The following COL22A1 variants were observed in gnomAD, a reference collection of about 807,000 sequenced individuals.
The protein encoded by COL22A1 is collagen type XXII alpha 1 chain, also known as collagen alpha-1(XXII) chain.
COL22A1 carries 221 observed loss-of-function variants against 248.9 expected under a neutral mutation model. The observed-to-expected ratio is 0.89, with a 90% CI of 0.80 to 0.99. COL22A1 has a LOEUF of 0.99. COL22A1 is among the 50% of genes least tolerant of loss of function. The pLI is 0.00. For synonymous variants in COL22A1, 891 were observed against 793.4 expected, an observed-to-expected ratio of 1.12 and a Z score of -2.07; for missense variants, 2,240 against 2,179.0, an observed-to-expected ratio of 1.03 and a Z score of -0.56.
In COL22A1 at chr8:138,694,097, A is replaced by T. The variant is rs191378810; in HGVS notation, c.2701-398T>A. The stretch of plus-strand genomic sequence containing the variant: ...AAAATGACAGAATCAAAGCACTAAC[A>T]TGTACCAGGTGTCACTTAAACCAGC... On this transcript the variant is annotated intron_variant, in intron 34 of 64. Coordinates refer to ENST00000303045, the MANE Select transcript of COL22A1 (RefSeq NM_152888.3). 4.7e-4 allele frequency among the ~76,000 whole-genome samples: 72 copies of T among 152,258 alleles called. 1 individual carries two copies. Among genetic ancestry groups the T allele is most frequent in the African/African-American group, 1.6e-3 (68 of 41,560 alleles).
chr8:138,780,819 C>A lies in COL22A1; in HGVS notation c.1650+108G>T. The A allele has an allele frequency of 6.7e-6, 6 of 890,930 alleles. No homozygotes were observed. The South Asian group carries it at 8.0e-5, about 12-fold the overall frequency. The allele number at this position is 890,930 out of a possible 1,614,324, so 55.2% of individuals were successfully genotyped here. ...ATCCTAATATAAATACGTCCCCACT[C>A]AAGTCTGGCCCTGGCAATGCCACCC... On this transcript the variant is annotated intron_variant, in intron 13 of 64. Coordinates refer to ENST00000303045, the MANE Select transcript of COL22A1 (RefSeq NM_152888.3).
chr8:138,883,684 AC>A (rs2132074833), intron 1 of COL22A1, among the ~76,000 whole-genome samples: 1 of 152,218 alleles, frequency 6.6e-6, no homozygotes, highest in East Asian at 1.9e-4. Flanking sequence ...GAGATCTGCT[AC>A]TTTTATAATG....
intron 47 of COL22A1, among the ~76,000 whole-genome samples, chr8:138,641,649 G>T (rs1193150447): frequency 1.3e-5 from 2 of 152,178 alleles, no homozygotes; most frequent in Non-Finnish European, 2.9e-5. Context: ...CCTCATGCCG[G>T]CCACTGAAGA....
chr8:138,755,817 G>A lies in COL22A1; in HGVS notation c.1915C>T (p.Pro639Ser). Residue 639 changes from proline (P) to serine (S), a missense_variant, in exon 19 of 65, where the codon CCT becomes TCT. Physicochemically the swap from Pro to Ser is moderately conservative, Grantham distance 74. Transcript: ENST00000303045. ...GPQGEKGDVG[P>S]AGPPGVPGSV... ...CCTGGTACACCAGGTGGCCCCGCAG[G>A]TCCCACGTCACCCTGCACAGAAACG... 6.2e-7 allele frequency: 1 copy of A among 1,614,052 alleles called. No individual in the cohort carries two copies. Among genetic ancestry groups the A allele is most frequent in the Non-Finnish European group, 8.5e-7 (1 of 1,179,966 alleles).
chr8:138,658,310 C>A (rs183769244), intron 44 of COL22A1, among the ~76,000 whole-genome samples: 1 of 152,178 alleles, frequency 6.6e-6, no homozygotes, highest in Non-Finnish European at 1.5e-5. Context: ...GAATGTCCTG[C>A]CTGGTAAGAG....
intron 23 of COL22A1, among the ~76,000 whole-genome samples, chr8:138,733,502 G>A (rs1830862365): frequency 6.6e-6 from 1 of 152,142 alleles, no homozygotes; most frequent in Admixed American, 6.5e-5. Context: ...TTGCTCACAG[G>A]CAGTTATAAA....
intron 12 of COL22A1, among the ~76,000 whole-genome samples, chr8:138,792,411 C>G (rs1014988954): frequency 2.0e-5 from 3 of 152,232 alleles, no homozygotes; most frequent in African/African-American, 7.2e-5. Flanking sequence ...AGCCTGCTCT[C>G]TACTCAGCAA....
intron 26 of COL22A1, 79 bp from the exon 27 acceptor site, chr8:138,720,871 G>A: frequency 5.9e-6 from 7 of 1,183,518 alleles, no homozygotes; most frequent in Non-Finnish European, 8.9e-6. Context: ...GGCACAGGTT[G>A]GAAGGAAGAG....
intron 12 of COL22A1, among the ~76,000 whole-genome samples, chr8:138,785,996 G>A (rs1392686118): frequency 6.6e-6 from 1 of 152,138 alleles, no homozygotes; most frequent in Non-Finnish European, 1.5e-5. Flanking sequence ...GGTCCTTAGA[G>A]CCAACGAGCC....
chr8:138,877,682 C>A (rs947361569), intron 3 of COL22A1, 68 bp downstream of exon 3: 1 of 1,452,930 alleles, frequency 6.9e-7, no homozygotes, highest in Non-Finnish European at 9.2e-7. Context: ...TGCCCGAGGA[C>A]CCCTCCCGTG....
rs147290575 is a variant in COL22A1, at chr8:138,608,364, C to T, written c.3979-375G>A. 2.6e-3 allele frequency among the ~76,000 whole-genome samples: 397 copies of T among 152,272 alleles called. 1 individual carries two copies. Among genetic ancestry groups the T allele is most frequent in the African/African-American group, 8.7e-3 (363 of 41,556 alleles). On this transcript the variant is annotated intron_variant, in intron 56 of 64. Transcript: ENST00000303045. ...ACCATCTAATACAACCCAGCTTACA[C>T]ATAATTGCTCACACTGCCACAGTGC...
At position 138,765,413 on chromosome 8, in the gene COL22A1, C is replaced by T. The variant is rs796508892; in HGVS notation, c.1804-2947G>A. Among the ~76,000 whole-genome samples the T allele has an allele frequency of 3.0e-4, 45 of 152,306 alleles. 1 individual carries two copies. Among genetic ancestry groups the T allele is most frequent in the African/African-American group, 9.9e-4 (41 of 41,582 alleles). On this transcript the variant is annotated intron_variant, in intron 16 of 64. Transcript: ENST00000303045. ...TAGAAACTTAGCGGTGGTACCAGGA[C>T]TCAAATCGAGGTCTCCTGATTTCCA...
chr8:138,806,032 GT>G (rs1767884265), intron 10 of COL22A1, among the ~76,000 whole-genome samples: 12 of 58,984 alleles, frequency 2.0e-4, no homozygotes, highest in African/African-American at 3.6e-4. Flanking sequence ...GTGTGTGGTT[GT>G]GTGTGTGATG....
chr8:138,607,814 C>T, intron 57 of COL22A1, 122 bp downstream of exon 57: 1 of 913,788 alleles, frequency 1.1e-6, no homozygotes, highest in South Asian at 1.7e-5. Context: ...ATTTCTACCA[C>T]TCAAACCCAT....
intron 47 of COL22A1, among the ~76,000 whole-genome samples, chr8:138,642,738 A>C (rs1012664256): frequency 2.6e-5 from 4 of 152,190 alleles, no homozygotes; most frequent in Non-Finnish European, 5.9e-5. Flanking sequence ...TCTTTGAATA[A>C]AGACAATTCT....
intron 22 of COL22A1, among the ~76,000 whole-genome samples, chr8:138,739,073 CT>C (rs375309619): frequency 7.0e-4 from 107 of 152,294 alleles, no homozygotes; most frequent in African/African-American, 2.4e-3. Flanking sequence ...GGCCATTGCA[CT>C]TTTCCCCTCA....
chr8:138,832,923 G>A lies in COL22A1; in HGVS notation c.845+116C>T, dbSNP rs73366872. 8.7e-3 allele frequency: 5,836 copies of A among 668,608 alleles called. 223 individuals are homozygous for A. In the African/African-American group the frequency reaches 0.09, roughly 10 times the overall value. The allele number at this position is 668,608 out of a possible 1,614,324, so 41.4% of individuals were successfully genotyped here. On this transcript the variant is annotated intron_variant, in intron 5 of 64. Coordinates refer to ENST00000303045, the MANE Select transcript of COL22A1 (RefSeq NM_152888.3). ...CTTCATCGCAGGGCAACCTTACAAG[G>A]CACTGAGAAGGTTAAAGCCCGGCTC...
At chr8:138,806,938 G>A (rs1488938683) in intron 10 of COL22A1, among the ~76,000 whole-genome samples, 1 of 152,214 alleles carries the variant, frequency 6.6e-6, no homozygotes, top group Non-Finnish European at 1.5e-5. Context: ...GTCAGGTCCT[G>A]TCTAAACCAT....
At chr8:138,662,494 C>G (rs895984761) in intron 42 of COL22A1, among the ~76,000 whole-genome samples, 1 of 152,198 alleles carries the variant, frequency 6.6e-6, no homozygotes, top group Non-Finnish European at 1.5e-5. Flanking sequence ...CAGCACAACA[C>G]TCAGCATATG....
Sources: allele counts gnomAD v4.1 joint callset (sites outside exome capture counted in the v4.1 genomes callset), GRCh38; gene constraint gnomAD v4.1.1; transcripts MANE v1.5; gene names NCBI Gene and HGNC (gene_info 2026-07-23, HGNC 2026-07-21).